Variants in PRPSAP1 observed in about 807,000 individuals in gnomAD.
The protein encoded by PRPSAP1 is phosphoribosyl pyrophosphate synthetase associated protein 1, also known as phosphoribosyl pyrophosphate synthase-associated protein 1.
In PRPSAP1, 31 loss-of-function variants were observed where a neutral mutation model predicts 39.4. That is an observed-to-expected ratio of 0.79 (90% CI 0.59 to 1.06). The LOEUF (loss-of-function observed/expected upper bound fraction) is 1.06, where lower values mean the gene tolerates loss of function less well. Among genes scored for constraint, PRPSAP1 ranks in the 50% least tolerant of loss-of-function variants. PRPSAP1 has a pLI of 0.00. For missense variants in PRPSAP1, 430 were observed against 511.6 expected (o/e 0.84, Z 1.54); for synonymous variants, 212 against 192.6 (o/e 1.10, Z -0.83).
At chr17:76,320,498 C>T (rs1419878161) in intron 7 of PRPSAP1, among the ~76,000 whole-genome samples, 2 of 127,802 alleles carry the variant, frequency 1.6e-5, no homozygotes, top group African/African-American at 2.9e-5. Context: ...GATCTCAGTT[C>T]ACTCCAACCT....
At chr17:76,330,693 A>G in intron 4 of PRPSAP1, 27 bp from the exon 5 acceptor site, 2 of 1,486,164 alleles carry the variant, frequency 1.3e-6, no homozygotes, top group Non-Finnish European at 1.9e-6. Context: ...AAAAATTACA[A>G]AGTTCACCCC....
chr17:76,341,902 G>T (rs1374845007), intron 3 of PRPSAP1, among the ~76,000 whole-genome samples: 1 of 152,144 alleles, frequency 6.6e-6, no homozygotes, highest in Non-Finnish European at 1.5e-5. Context: ...TTGCGCCACT[G>T]CACCCCAGCC....
intron 2 of PRPSAP1, chr17:76,345,668 T>C (rs1225802540): frequency 6.3e-6 from 1 of 159,368 alleles, no homozygotes; most frequent in African/African-American, 2.4e-5. Flanking sequence ...CTAGAAACAT[T>C]TGGAGGGAGT....
chr17:76,347,174 CAGTT>C (rs1381520212), intron 2 of PRPSAP1, among the ~76,000 whole-genome samples: 7 of 150,996 alleles, frequency 4.6e-5, no homozygotes, highest in African/African-American at 1.7e-4. Flanking sequence ...GAGGGGCAGG[CAGTT>C]AGTCCACTTA....
At position 76,353,744 on chromosome 17, in the gene PRPSAP1, G is replaced by A. The variant is rs1475793704; in HGVS notation, c.-41C>T. ...GCGGTTACGACCGGCCCCGCGCGGG[G>A]CTGCACTCTGAGTGCTTCCGACTGC... On this transcript the variant is annotated 5_prime_UTR_variant, in exon 1 of 10. Coordinates refer to ENST00000446526, the MANE Select transcript of PRPSAP1 (RefSeq NM_002766.3). The A allele has an allele frequency of 1.4e-6, 2 of 1,416,662 alleles. No homozygotes were observed. Among genetic ancestry groups the A allele is most frequent in the African/African-American group, 1.5e-5 (1 of 66,008 alleles). The allele number at this position is 1,416,662 out of a possible 1,614,324, so 87.8% of individuals were successfully genotyped here.
At chr17:76,339,141 A>G (rs1482230772) in intron 3 of PRPSAP1, among the ~76,000 whole-genome samples, 9 of 152,098 alleles carry the variant, frequency 5.9e-5, no homozygotes, top group African/African-American at 2.2e-4. Context: ...ACGGTGGCTC[A>G]CGTCTATAAT....
At chr17:76,338,381 T>C (rs1018901372) in intron 3 of PRPSAP1, among the ~76,000 whole-genome samples, 7 of 152,174 alleles carry the variant, frequency 4.6e-5, no homozygotes, top group African/African-American at 1.7e-4. Flanking sequence ...GTAAAAGATA[T>C]TCCTTCATCT....
At position 76,311,594 on chromosome 17, in the gene PRPSAP1, T is replaced by C. The variant is rs2071071024; in HGVS notation, c.1106A>G (p.His369Arg). The change falls in exon 10 of 10, where the codon CAC becomes CGC. Residue 369 changes from histidine (H) to arginine (R), a missense_variant. Physicochemically the swap from His to Arg is conservative, Grantham distance 29. Coordinates refer to ENST00000446526, the MANE Select transcript of PRPSAP1 (RefSeq NM_002766.3). The stretch of plus-strand genomic sequence containing the variant: ...AAGGTAGGCCATGGACTCTCCATTG[T>C]GGATTCTCCGAATGGCTTCAGAAAG... ...LILSEAIRRI[H>R]NGESMAYLFR... 2 of 1,614,252 alleles carry C rather than the reference T, an allele frequency of 1.2e-6. No homozygotes were observed. Among genetic ancestry groups the C allele is most frequent in the Non-Finnish European group, 1.7e-6 (2 of 1,180,048 alleles).
chr17:76,336,348 G>T (rs1029429597), intron 3 of PRPSAP1, among the ~76,000 whole-genome samples: 1 of 150,712 alleles, frequency 6.6e-6, no homozygotes. Context: ...TGAGGCAGAA[G>T]AATTGCTTGA....
At chr17:76,354,087 G>A, upstream of PRPSAP1, 1 of 1,037,400 alleles carries the variant, frequency 9.6e-7, no homozygotes, top group Non-Finnish European at 1.2e-6. Flanking sequence ...GAGCTCTTTC[G>A]GTCTCACTTT....
In PRPSAP1 at chr17:76,328,868, A is replaced by C; in HGVS notation, c.636-6T>G. The C allele has an allele frequency of 6.2e-7, 1 of 1,605,830 alleles. No individual in the cohort carries two copies. The highest frequency in any genetic ancestry group is 8.5e-7 in the Non-Finnish European group (1 of 1,176,730). ...TCTCCGCATAGGACTGGGCCCTAGA[A>C]GGACAAAGGGAAATGGTGAAACTGA... On this transcript the variant is annotated splice_polypyrimidine_tract_variant and splice_region_variant and intron_variant, in intron 6 of 9. Transcript: ENST00000446526.
rs771079445 is a variant in PRPSAP1, at chr17:76,330,531, G to A, written c.579+20C>T. On this transcript the variant is annotated intron_variant, in intron 5 of 9. Transcript: ENST00000446526. ...AGATCTCTTTTGAGGACAATGGGGT[G>A]TTTGCTGGTGGTTCCTCACTTCTTC... 9 of 1,518,022 alleles carry A rather than the reference G, an allele frequency of 5.9e-6. No homozygotes were observed. The highest frequency in any genetic ancestry group is 8.2e-6 in the Non-Finnish European group (9 of 1,102,216). 94.0% of individuals were successfully genotyped at this position (1,518,022 alleles called of 1,614,324 possible).
chr17:76,347,436 A>G (rs2071518781), intron 2 of PRPSAP1, among the ~76,000 whole-genome samples: 3 of 146,700 alleles, frequency 2.0e-5, no homozygotes, highest in Non-Finnish European at 4.5e-5. Context: ...GCAGTGAGCC[A>G]AGATCATGCC....
At chr17:76,347,792 C>T (rs534150470) in intron 2 of PRPSAP1, among the ~76,000 whole-genome samples, 70 of 152,080 alleles carry the variant, frequency 4.6e-4, no homozygotes, top group African/African-American at 1.5e-3. Context: ...AAGCAGCAAA[C>T]GGCAGGCTGG....
At chr17:76,334,140 C>T (rs2071354795) in intron 3 of PRPSAP1, among the ~76,000 whole-genome samples, 1 of 152,202 alleles carries the variant, frequency 6.6e-6, no homozygotes, top group South Asian at 2.1e-4. Flanking sequence ...CTTCCTCCTG[C>T]TCTTCCTGGA....
At chr17:76,340,434 A>G (rs1388922837) in intron 3 of PRPSAP1, among the ~76,000 whole-genome samples, 1 of 151,814 alleles carries the variant, frequency 6.6e-6, no homozygotes, top group Non-Finnish European at 1.5e-5. Context: ...TGTCAAGTTC[A>G]GTCTTTACTA....
intron 2 of PRPSAP1, among the ~76,000 whole-genome samples, chr17:76,346,589 C>G (rs2071503391): frequency 6.6e-6 from 1 of 152,206 alleles, no homozygotes; most frequent in Admixed American, 6.6e-5. Context: ...AGCAGTAGTT[C>G]CGTTTCTAGA....
At chr17:76,325,828 G>A (rs968317068) in intron 7 of PRPSAP1, among the ~76,000 whole-genome samples, 15 of 151,876 alleles carry the variant, frequency 9.9e-5, no homozygotes, top group African/African-American at 3.6e-4. Context: ...GGACGGTCTC[G>A]ATCTCCTGAC....
Position 76,346,815 on chromosome 17 carries a change from G to C in PRPSAP1, c.223+1714C>G, listed in dbSNP as rs550263494. 2.2e-4 allele frequency among the ~76,000 whole-genome samples: 33 copies of C among 151,958 alleles called. 2 individuals carry two copies. The highest frequency in any genetic ancestry group is 2.2e-3 in the Admixed American group (33 of 15,220). Reference sequence around the variant, plus strand: ...GGAGGCTGAGGCAGGAGAATTGCTCGAACCTGGGAGGCAGAGGCTGCAGTA... The same window carrying C: ...GGAGGCTGAGGCAGGAGAATTGCTCCAACCTGGGAGGCAGAGGCTGCAGTA... On this transcript the variant is annotated intron_variant, in intron 2 of 9. Coordinates refer to ENST00000446526, the MANE Select transcript of PRPSAP1 (RefSeq NM_002766.3).
Sources: gnomAD v4.1 joint callset for allele counts (sites outside exome capture counted in the v4.1 genomes callset) on GRCh38, gnomAD v4.1.1 for gene constraint, MANE v1.5 for transcripts, NCBI Gene and HGNC (gene_info 2026-07-23, HGNC 2026-07-21) for gene names.